ADK: variants seen among roughly 807,000 people sequenced by gnomAD.
ADK encodes N6,N6-dimethyladenosine kinase.
A neutral mutation model predicts 44.7 loss-of-function variants in ADK; 24 were observed. That is an observed-to-expected ratio of 0.54 (90% CI 0.39 to 0.76). ADK has a LOEUF of 0.76. ADK is among the 30% of genes least tolerant of loss of function. The probability of loss-of-function intolerance (pLI) is 0.00; values close to 1 mark genes in which losing one functional copy is unlikely to be tolerated. For missense variants in ADK, 321 were observed against 425.1 expected (o/e 0.76, Z 2.15); for synonymous variants, 128 against 142.6 (o/e 0.90, Z 0.73).
At chr10:74,455,740 C>T (rs930111305) in intron 6 of ADK, among the ~76,000 whole-genome samples, 1 of 152,078 alleles carries the variant, frequency 6.6e-6, no homozygotes, top group Non-Finnish European at 1.5e-5. Flanking sequence ...GATCTCTTGA[C>T]CTCGTGATCC....
intron 4 of ADK, among the ~76,000 whole-genome samples, chr10:74,332,940 T>C (rs1448099649): frequency 2.0e-5 from 3 of 152,224 alleles, no homozygotes; most frequent in Non-Finnish European, 4.4e-5. Context: ...AATATGAATG[T>C]ATTATTTTAG....
intron 7 of ADK, chr10:74,528,305 A>G (rs1173935536): frequency 9.4e-6 from 2 of 211,818 alleles, no homozygotes; most frequent in Non-Finnish European, 1.9e-5. Flanking sequence ...AACTTAAAAA[A>G]AAAGCTCAAA....
chr10:74,575,349 C>G (rs897544092), intron 7 of ADK, among the ~76,000 whole-genome samples: 1 of 152,124 alleles, frequency 6.6e-6, no homozygotes. Flanking sequence ...GCAGTCTGCA[C>G]ATAATTGTTA....
At chr10:74,542,875 TTTTA>T (rs1434169140) in intron 7 of ADK, among the ~76,000 whole-genome samples, 1 of 151,550 alleles carries the variant, frequency 6.6e-6, no homozygotes, top group Non-Finnish European at 1.5e-5. Flanking sequence ...TCATTTTTAA[TTTTA>T]TTTTAGTTAT....
intron 3 of ADK, among the ~76,000 whole-genome samples, chr10:74,270,404 A>G (rs1846383712): frequency 6.6e-6 from 1 of 152,256 alleles, no homozygotes; most frequent in African/African-American, 2.4e-5. Context: ...AAATCTCTTT[A>G]ATGTCTGACT....
intron 3 of ADK, among the ~76,000 whole-genome samples, chr10:74,293,976 A>G (rs1839722232): frequency 6.6e-6 from 1 of 152,176 alleles, no homozygotes; most frequent in Non-Finnish European, 1.5e-5. Flanking sequence ...CCTGACTTCT[A>G]ACATTGGAGA....
intron 1 of ADK, among the ~76,000 whole-genome samples, chr10:74,158,623 T>A (rs943243768): frequency 1.3e-5 from 2 of 152,218 alleles, no homozygotes; most frequent in African/African-American, 4.8e-5. Context: ...GTTACCTTCC[T>A]AAAATCCATA....
At chr10:74,637,725 C>T (rs1396755692) in intron 9 of ADK, among the ~76,000 whole-genome samples, 2 of 152,148 alleles carry the variant, frequency 1.3e-5, no homozygotes, top group African/African-American at 4.8e-5. Context: ...GGTAGTATTA[C>T]CTGAATCACT....
intron 6 of ADK, among the ~76,000 whole-genome samples, chr10:74,458,882 A>T (rs1166656582): frequency 1.3e-5 from 2 of 152,234 alleles, no homozygotes; most frequent in Non-Finnish European, 2.9e-5. Flanking sequence ...AAATAAAAAG[A>T]AATAATCATT....
chr10:74,423,596 A>G (rs563771530), intron 6 of ADK: 2 of 285,506 alleles, frequency 7.0e-6, no homozygotes, highest in Admixed American at 4.1e-5. Context: ...TGATGTCTCC[A>G]TAGTCAACTG....
At chr10:74,224,628 T>C in intron 3 of ADK, 37 bp downstream of exon 3, 2 of 1,544,686 alleles carry the variant, frequency 1.3e-6, no homozygotes, top group Non-Finnish European at 1.8e-6. Context: ...AATAGTTTAC[T>C]CTGTCTATGA....
intron 3 of ADK, among the ~76,000 whole-genome samples, chr10:74,247,060 A>G (rs1378885788): frequency 6.6e-6 from 1 of 151,904 alleles, no homozygotes; most frequent in East Asian, 1.9e-4. Context: ...TCCTGAGATG[A>G]AAGTGTCTGA....
chr10:74,674,165 C>G (rs1189781001), intron 10 of ADK, among the ~76,000 whole-genome samples: 2 of 152,202 alleles, frequency 1.3e-5, no homozygotes, highest in African/African-American at 4.8e-5. Flanking sequence ...GACCTACCCT[C>G]TTCTGCCCAG....
chr10:74,228,392 A>C (rs774627835), intron 3 of ADK, among the ~76,000 whole-genome samples: 1 of 152,228 alleles, frequency 6.6e-6, no homozygotes, highest in Non-Finnish European at 1.5e-5. Flanking sequence ...TGTTCTATAC[A>C]TGATCCAGTA....
rs1840139803 is a variant in ADK at position 74,303,588 on chromosome 10, G to GTTGTTTTTTTTTTTTTTT, written c.195-11077_195-11076insGTTTTTTTTTTTTTTTTT. Among the ~76,000 whole-genome samples, 44 of 68,572 alleles carry GTTGTTTTTTTTTTTTTTT rather than the reference G, an allele frequency of 6.4e-4. 3 individuals carry two copies. Among genetic ancestry groups the GTTGTTTTTTTTTTTTTTT allele is most frequent in the African/African-American group, 3.4e-3 (43 of 12,694 alleles). 45.0% of individuals were successfully genotyped at this position (68,572 alleles called of 152,430 possible). On this transcript the variant is annotated intron_variant, in intron 3 of 10. Transcript: ENST00000539909. ...CACTTTTCATATTGGTTTTAATGTT[G>GTTGTTTTTTTTTTTTTTT]TTTTTTTTTTTTTTTTTTTTTTTTT...
intron 3 of ADK, among the ~76,000 whole-genome samples, chr10:74,236,610 C>T (rs1359592377): frequency 4.6e-5 from 7 of 152,052 alleles, no homozygotes; most frequent in African/African-American, 1.7e-4. Flanking sequence ...ACAAATCTAC[C>T]CTTCATTATC....
chr10:74,316,937 A>T (rs899350805), intron 4 of ADK, among the ~76,000 whole-genome samples: 7 of 151,980 alleles, frequency 4.6e-5, no homozygotes, highest in Non-Finnish European at 1.0e-4. Flanking sequence ...AACGTATTCT[A>T]GTAGTGGTTT....
intron 4 of ADK, among the ~76,000 whole-genome samples, chr10:74,342,952 A>G (rs530239015): frequency 6.6e-6 from 1 of 152,148 alleles, no homozygotes; most frequent in Non-Finnish European, 1.5e-5. Flanking sequence ...TTTCTTTCTA[A>G]TTTGGAAGCC....
rs576681336 is a variant in ADK, at chr10:74,472,101, A to T, written c.556-53155A>T. Among the ~76,000 whole-genome samples, 113 of 152,196 alleles carry T rather than the reference A, an allele frequency of 7.4e-4. 1 individual carries two copies. The highest frequency in any genetic ancestry group is 2.6e-3 in the African/African-American group (109 of 41,518). Reference sequence around the variant, plus strand: ...GCTCCTGTAGTCCTACATACTTGGAAGGCTAAGGCAGGAGAATCACGAGTT... The same window carrying T: ...GCTCCTGTAGTCCTACATACTTGGATGGCTAAGGCAGGAGAATCACGAGTT... On this transcript the variant is annotated intron_variant, in intron 6 of 10. Transcript: ENST00000539909.
Sources: allele counts gnomAD v4.1 joint callset (sites outside exome capture counted in the v4.1 genomes callset), GRCh38; gene constraint gnomAD v4.1.1; transcripts MANE v1.5; gene names NCBI Gene and HGNC (gene_info 2026-07-23, HGNC 2026-07-21).